The following METTL15 variants were observed in gnomAD, a reference collection of about 807,000 sequenced individuals.
METTL15 encodes the protein methyltransferase 15, mitochondrial 12S rRNA N4-cytidine, also known as 12S rRNA N(4)-cytidine methyltransferase METTL15.
In METTL15, 34 loss-of-function variants were observed where a neutral mutation model predicts 38.3. The ratio of observed to expected loss-of-function variants is 0.89; its 90% CI spans 0.68 to 1.18. The LOEUF is 1.18. METTL15 is among the 50% of genes most tolerant of loss of function. METTL15 has a pLI of 0.00. For missense variants in METTL15, 438 were observed against 498.4 expected (o/e 0.88, Z 1.15); for synonymous variants, 162 against 170.9 (o/e 0.95, Z 0.41).
intron 6 of METTL15, among the ~76,000 whole-genome samples, chr11:28,305,859 T>G (rs574227312): frequency 1.2e-4 from 19 of 152,210 alleles, no homozygotes; most frequent in Non-Finnish European, 1.5e-4. Flanking sequence ...GGGGCAGAAG[T>G]GATGCCTATT....
chr11:28,360,113 G>C (rs1247374227), intron 4 of METTL15, among the ~76,000 whole-genome samples: 1 of 152,144 alleles, frequency 6.6e-6, no homozygotes, highest in Non-Finnish European at 1.5e-5. Context: ...TAAACCACAT[G>C]ATCAGGCTTC....
intron 3 of METTL15, among the ~76,000 whole-genome samples, chr11:28,134,874 T>C (rs1849464923): frequency 6.6e-6 from 1 of 152,174 alleles, no homozygotes; most frequent in South Asian, 2.1e-4. Flanking sequence ...TTTGGGTGCA[T>C]GGGGCTTGGC....
chr11:28,174,846 A>T (rs1479047723), intron 3 of METTL15, among the ~76,000 whole-genome samples: 2 of 151,274 alleles, frequency 1.3e-5, no homozygotes, highest in African/African-American at 2.4e-5. Flanking sequence ...AAAAGCAAAA[A>T]AAGCAAATCT....
intron 6 of METTL15, among the ~76,000 whole-genome samples, chr11:28,316,702 G>T (rs1459820577): frequency 6.6e-6 from 1 of 152,302 alleles, no homozygotes; most frequent in East Asian, 1.9e-4. Context: ...GGAAGGACCT[G>T]GTGGAAGATG....
At position 28,356,432 on chromosome 11, in the gene METTL15, C is replaced by T. The variant is rs757629991; in HGVS notation, c.*258+4274C>T. 4.6e-5 allele frequency among the ~76,000 whole-genome samples: 7 copies of T among 152,100 alleles called. No individual in the cohort carries two copies. The South Asian group carries it at 1.2e-3, about 27-fold the overall frequency. ...ATACAAGTATATGGGAAGGTTAGAT[C>T]GAACATTTCAAAATAGTCAACAAGT... On this transcript the variant is annotated intron_variant and NMD_transcript_variant, in intron 4 of 7. Transcript: ENST00000532947.
chr11:28,135,949 A>G (rs546395797), intron 3 of METTL15, among the ~76,000 whole-genome samples: 3 of 152,326 alleles, frequency 2.0e-5, no homozygotes, highest in Non-Finnish European at 2.9e-5. Context: ...CTTGATATTC[A>G]TGAACCTTTC....
At chr11:28,448,239 T>C (rs1372868005) in intron 6 of METTL15, among the ~76,000 whole-genome samples, 1 of 152,234 alleles carries the variant, frequency 6.6e-6, no homozygotes, top group East Asian at 1.9e-4. Context: ...ATTTTCCCAG[T>C]ATTTGTTGGT....
Position 28,324,599 on chromosome 11 carries a change from A to G in METTL15, c.779-5797A>G, listed in dbSNP as rs369037388. 6.6e-5 allele frequency among the ~76,000 whole-genome samples: 10 copies of G among 152,252 alleles called. No individual in the cohort carries two copies. The East Asian group carries it at 1.3e-3, about 21-fold the overall frequency. ...GAGTTCACTTGCTCCAACAAAAATC[A>G]TACTTTGGTTCCCATGATCACATTT... On this transcript the variant is annotated intron_variant, in intron 6 of 6. Transcript: ENST00000407364.
At chr11:28,422,555 A>T (rs934701251) in intron 5 of METTL15, among the ~76,000 whole-genome samples, 5 of 152,018 alleles carry the variant, frequency 3.3e-5, no homozygotes, top group Admixed American at 3.3e-4. Context: ...ATCTACAGTG[A>T]ACTGATTTTC....
chr11:28,265,662 C>G (rs1855384768), intron 4 of METTL15, among the ~76,000 whole-genome samples: 1 of 152,030 alleles, frequency 6.6e-6, no homozygotes, highest in South Asian at 2.1e-4. Flanking sequence ...TCTTTCCTAT[C>G]TAGATTCACA....
intron 4 of METTL15, among the ~76,000 whole-genome samples, chr11:28,229,216 A>C (rs899942771): frequency 6.6e-6 from 1 of 151,964 alleles, no homozygotes; most frequent in African/African-American, 2.4e-5. Context: ...TATTATTGTC[A>C]TTATGCTAAG....
chr11:28,392,536 G>A (rs368826647), intron 5 of METTL15, among the ~76,000 whole-genome samples: 1 of 152,088 alleles, frequency 6.6e-6, no homozygotes, highest in Non-Finnish European at 1.5e-5. Flanking sequence ...ATGATTTGAC[G>A]TAAGATGTGA....
At chr11:28,340,755 C>T (rs966620272) in intron 3 of METTL15, among the ~76,000 whole-genome samples, 5 of 152,142 alleles carry the variant, frequency 3.3e-5, no homozygotes, top group Admixed American at 3.3e-4. Context: ...TTGTGGAAGA[C>T]AGTGTTGCGA....
intron 6 of METTL15, among the ~76,000 whole-genome samples, chr11:28,425,175 A>G (rs7932458): frequency 0.42 from 64,322 of 152,130 alleles, 15,005 homozygotes; most frequent in Admixed American, 0.54. Flanking sequence ...CATGAAGTAG[A>G]AAGAGCAAGA....
chr11:28,124,852 T>C (rs1485964233), intron 3 of METTL15, among the ~76,000 whole-genome samples: 1 of 152,114 alleles, frequency 6.6e-6, no homozygotes, highest in East Asian at 1.9e-4. Context: ...ATATAATGGT[T>C]ATATGAATAC....
intron 3 of METTL15, among the ~76,000 whole-genome samples, chr11:28,209,894 A>G (rs1310835438): frequency 6.6e-6 from 1 of 152,042 alleles, no homozygotes; most frequent in Non-Finnish European, 1.5e-5. Flanking sequence ...GATATTTTTA[A>G]ATCTAGCCAG....
At chr11:28,471,167 C>G (rs917893427) in intron 6 of METTL15, among the ~76,000 whole-genome samples, 1 of 152,080 alleles carries the variant, frequency 6.6e-6, no homozygotes, top group Non-Finnish European at 1.5e-5. Context: ...CTCAACAGGT[C>G]AGACTTGTTA....
intron 3 of METTL15, among the ~76,000 whole-genome samples, chr11:28,131,098 A>G (rs1406236681): frequency 6.6e-6 from 1 of 152,030 alleles, no homozygotes; most frequent in Non-Finnish European, 1.5e-5. Context: ...ATTACAGTCT[A>G]AACACATTTT....
chr11:28,136,123 T>C (rs1283305605), intron 3 of METTL15, among the ~76,000 whole-genome samples: 1 of 152,178 alleles, frequency 6.6e-6, no homozygotes, highest in Non-Finnish European at 1.5e-5. Flanking sequence ...AATAGCAAAA[T>C]GTCCAGGGTA....
Sources: allele counts gnomAD v4.1 joint callset (sites outside exome capture counted in the v4.1 genomes callset), GRCh38; gene constraint gnomAD v4.1.1; transcripts MANE v1.5; gene names NCBI Gene and HGNC (gene_info 2026-07-23, HGNC 2026-07-21).